BCAR3: variants seen among roughly 807,000 people sequenced by gnomAD.
BCAR3 encodes the protein breast cancer anti-estrogen resistance protein 3.
A neutral mutation model predicts 80.1 loss-of-function variants in BCAR3; 37 were observed. The observed-to-expected ratio is 0.46, with a 90% CI of 0.36 to 0.61. The LOEUF (loss-of-function observed/expected upper bound fraction) is 0.61, where lower values mean the gene tolerates loss of function less well. Ranked by LOEUF, BCAR3 falls within the 20% of genes least tolerant of loss-of-function variation. The pLI is 0.00. For missense variants in BCAR3, 978 were observed against 1,068.2 expected (o/e 0.92, Z 1.18); for synonymous variants, 389 against 418.9 (o/e 0.93, Z 0.87).
intron 2 of BCAR3, among the ~76,000 whole-genome samples, chr1:93,801,727 A>G (rs892914364): frequency 2.0e-5 from 3 of 152,248 alleles, no homozygotes; most frequent in African/African-American, 7.2e-5. Flanking sequence ...TGGGAGGCCA[A>G]TGCAGGAGAA....
At chr1:93,754,916 T>C (rs1032461253) in intron 2 of BCAR3, among the ~76,000 whole-genome samples, 6 of 152,204 alleles carry the variant, frequency 3.9e-5, no homozygotes, top group Non-Finnish European at 8.8e-5. Flanking sequence ...AAGGTACTGT[T>C]ATCCTAGGAG....
intron 2 of BCAR3, among the ~76,000 whole-genome samples, chr1:93,748,778 C>T (rs908831967): frequency 2.6e-5 from 4 of 152,210 alleles, no homozygotes; most frequent in Non-Finnish European, 5.9e-5. Flanking sequence ...TCTATTCTTG[C>T]TTGACATAAT....
At chr1:93,582,156 T>C in intron 7 of BCAR3, 145 bp downstream of exon 7, 2 of 1,085,398 alleles carry the variant, frequency 1.8e-6, no homozygotes, top group South Asian at 1.8e-5. Flanking sequence ...GACTTTCCTA[T>C]GGGCAAAGCA....
intron 2 of BCAR3, among the ~76,000 whole-genome samples, chr1:93,818,731 GAC>G (rs1371444310): frequency 1.3e-5 from 2 of 152,238 alleles, no homozygotes; most frequent in East Asian, 3.9e-4. Flanking sequence ...CTAGTGGAGA[GAC>G]ACAGACAGGT....
chr1:93,786,690 A>G (rs1244294481), intron 2 of BCAR3, among the ~76,000 whole-genome samples: 1 of 152,160 alleles, frequency 6.6e-6, no homozygotes, highest in African/African-American at 2.4e-5. Context: ...ACAGATACCA[A>G]AATTTTTAAG....
chr1:93,750,123 A>C (rs1455678093), intron 2 of BCAR3, among the ~76,000 whole-genome samples: 1 of 152,204 alleles, frequency 6.6e-6, no homozygotes, highest in Non-Finnish European at 1.5e-5. Flanking sequence ...AAGTGGAAGC[A>C]ATTCAGTTTG....
At chr1:93,731,074 G>C (rs888753070) in intron 2 of BCAR3, among the ~76,000 whole-genome samples, 4 of 152,144 alleles carry the variant, frequency 2.6e-5, no homozygotes, top group African/African-American at 9.7e-5. Flanking sequence ...GAAAACCAAG[G>C]GACAATCTAC....
chr1:93,669,904 A>C (rs1648125930), intron 2 of BCAR3, among the ~76,000 whole-genome samples: 1 of 152,152 alleles, frequency 6.6e-6, no homozygotes, highest in Non-Finnish European at 1.5e-5. Flanking sequence ...CAAAGGCATA[A>C]GAATGATACA....
chr1:93,619,226 G>A (rs948085750), intron 3 of BCAR3, among the ~76,000 whole-genome samples: 2 of 151,686 alleles, frequency 1.3e-5, no homozygotes, highest in Non-Finnish European at 2.9e-5. Flanking sequence ...GATTACAGGC[G>A]TGAGCCACTG....
chr1:93,672,380 C>T (rs1648256615), intron 2 of BCAR3, among the ~76,000 whole-genome samples: 1 of 151,858 alleles, frequency 6.6e-6, no homozygotes, highest in Non-Finnish European at 1.5e-5. Flanking sequence ...CTAGCCAGGG[C>T]CTCAGAACTT....
At position 93,635,024 on chromosome 1, in the gene BCAR3, G is replaced by A. The variant is rs535962401; in HGVS notation, c.357+7280C>T. Among the ~76,000 whole-genome samples, 71 of 152,174 alleles carry A rather than the reference G, an allele frequency of 4.7e-4. No individual in the cohort carries two copies. In the Middle Eastern group the frequency reaches 0.034, roughly 73 times the overall value. On this transcript the variant is annotated intron_variant, in intron 3 of 11. Coordinates refer to ENST00000260502, the MANE Select transcript of BCAR3 (RefSeq NM_003567.4). Reference sequence around the variant, plus strand: ...CAAGGCAGGAGGAAGGCCAGAGTTCGAGACCAGCCCAAGCACACAGGGAGA... The same window carrying A: ...CAAGGCAGGAGGAAGGCCAGAGTTCAAGACCAGCCCAAGCACACAGGGAGA...
At chr1:93,571,187 G>A (rs1393804124) in intron 9 of BCAR3, among the ~76,000 whole-genome samples, 5 of 149,316 alleles carry the variant, frequency 3.3e-5, no homozygotes, top group Non-Finnish European at 7.4e-5. Context: ...CTGGACAACA[G>A]AGCGAGACTT....
At chr1:93,604,394 A>C (rs2101870405) in intron 3 of BCAR3, among the ~76,000 whole-genome samples, 1 of 152,364 alleles carries the variant, frequency 6.6e-6, no homozygotes, top group South Asian at 2.1e-4. Flanking sequence ...TGAAGAGGAT[A>C]TCTGTAGAAC....
At chr1:93,757,368 C>T (rs6541394) in intron 2 of BCAR3, among the ~76,000 whole-genome samples, 27,845 of 152,088 alleles carry the variant, frequency 0.18, 3,729 homozygotes, top group African/African-American at 0.37. Context: ...GTCCACTTTG[C>T]GTTCACATCT....
rs375117465 is a variant in BCAR3 at position 93,612,623 on chromosome 1, C to T, written c.358-20230G>A. ...CTGCCAATCCCCGAAGTGCACCATA[C>T]CCTTTGGGACCTCCTAGTCTATCTT... On this transcript the variant is annotated intron_variant, in intron 3 of 11. Transcript: ENST00000260502. Among the ~76,000 whole-genome samples, 47 of 152,304 alleles carry T rather than the reference C, an allele frequency of 3.1e-4. No individual in the cohort carries two copies. In the East Asian group the frequency reaches 7.5e-3, roughly 24 times the overall value.
At chr1:93,630,358 T>C (rs1675577477) in intron 3 of BCAR3, among the ~76,000 whole-genome samples, 1 of 152,028 alleles carries the variant, frequency 6.6e-6, no homozygotes, top group Non-Finnish European at 1.5e-5. Context: ...GTGTGGTGGC[T>C]CAAACCTGTA....
intron 2 of BCAR3, among the ~76,000 whole-genome samples, chr1:93,845,398 CAT>C (rs1655114492): frequency 6.7e-6 from 1 of 148,210 alleles, no homozygotes; most frequent in African/African-American, 2.5e-5. Flanking sequence ...TAATTTTATC[CAT>C]ATGAGAATTC....
intron 3 of BCAR3, chr1:93,605,696 A>G (rs541737246): frequency 6.6e-6 from 1 of 152,384 alleles, no homozygotes; most frequent in East Asian, 1.9e-4. Context: ...TATTCATCAA[A>G]CCAGATGTCC....
intron 2 of BCAR3, among the ~76,000 whole-genome samples, chr1:93,806,178 C>T (rs888556695): frequency 2.0e-5 from 3 of 152,100 alleles, no homozygotes; most frequent in African/African-American, 4.8e-5. Context: ...TGCCTTCTAC[C>T]GACTCTGAAA....
Sources: allele counts gnomAD v4.1 joint callset (sites outside exome capture counted in the v4.1 genomes callset), GRCh38; gene constraint gnomAD v4.1.1; transcripts MANE v1.5; gene names NCBI Gene and HGNC (gene_info 2026-07-23, HGNC 2026-07-21).